MRC2: variants seen among roughly 807,000 people sequenced by gnomAD.
MRC2 encodes C-type mannose receptor 2.
In MRC2, 84 loss-of-function variants were observed where a neutral mutation model predicts 206.2. The observed-to-expected ratio is 0.41, with a 90% confidence interval of 0.34 to 0.49. The LOEUF is 0.49. MRC2 is among the 20% of genes least tolerant of loss of function. The probability of loss-of-function intolerance (pLI) is 0.31; values close to 1 mark genes in which losing one functional copy is unlikely to be tolerated. For synonymous variants in MRC2, 798 were observed against 800.0 expected (o/e 1.00, Z 0.04); for missense variants, 1,676 against 2,001.5 (o/e 0.84, Z 3.10).
At chr17:62,644,610 G>A (rs752438321) in intron 1 of MRC2, among the ~76,000 whole-genome samples, 1 of 152,154 alleles carries the variant, frequency 6.6e-6, no homozygotes, top group Non-Finnish European at 1.5e-5. Flanking sequence ...TTTTGCTTGT[G>A]ATCAGTCAGT....
chr17:62,682,567 C>T (rs2088982014), intron 20 of MRC2, among the ~76,000 whole-genome samples, 190 bp downstream of exon 20: 1 of 152,198 alleles, frequency 6.6e-6, no homozygotes, highest in Non-Finnish European at 1.5e-5. Flanking sequence ...ACTGTAGTAG[C>T]ACCTTCCAAT....
rs374671479 is a variant in MRC2 at position 62,666,661 on chromosome 17, C to T, written c.859+42C>T. 28 of 1,336,452 alleles carry T rather than the reference C, an allele frequency of 2.1e-5. No individual in the cohort carries two copies. In the African/African-American group the frequency reaches 2.9e-4, roughly 14 times the overall value. 82.8% of individuals were successfully genotyped at this position (1,336,452 alleles called of 1,614,324 possible). On this transcript the variant is annotated intron_variant, in intron 4 of 29. Transcript: ENST00000303375. This position sits in a 1 kb window ranked among gnomAD's most constrained non-coding sequence, Gnocchi z 5.0. ...TGCCTGCTCGTGCCTCTGGAGGGCC[C>T]GGGCCCTTTCCGCTTGTGGGTTGGG...
intron 1 of MRC2, among the ~76,000 whole-genome samples, chr17:62,635,124 C>A (rs886275935): frequency 6.6e-6 from 1 of 151,824 alleles, no homozygotes; most frequent in South Asian, 2.1e-4. Flanking sequence ...CACCACCATG[C>A]CCAGCCCCAT....
intron 1 of MRC2, among the ~76,000 whole-genome samples, chr17:62,649,910 T>A (rs1402608734): frequency 2.6e-5 from 4 of 151,828 alleles, no homozygotes; most frequent in East Asian, 3.9e-4. Flanking sequence ...TTTTTTAAAA[T>A]TTTTTTGAGA....
Position 62,652,699 on chromosome 17 carries a change from G to A in MRC2, c.119-11849G>A, listed in dbSNP as rs1269537853. ...CGGGAAGTGCCACAGATTGAGGGGC[G>A]CACGGCGGTGGAGGGAGGGGCGCCC... On this transcript the variant is annotated intron_variant, in intron 1 of 29. Transcript: ENST00000303375. The surrounding 1 kb of genome is among the most constrained non-coding windows in gnomAD (Gnocchi z 4.6). 6.6e-6 allele frequency among the ~76,000 whole-genome samples: 1 copy of A among 151,628 alleles called. No homozygotes were observed. The highest frequency in any genetic ancestry group is 2.1e-4 in the South Asian group (1 of 4,786).
At chr17:62,691,606 C>T (rs1227192978) in intron 28 of MRC2, among the ~76,000 whole-genome samples, 1 of 151,822 alleles carries the variant, frequency 6.6e-6, no homozygotes, top group Non-Finnish European at 1.5e-5. Context: ...CCCGTCTCTA[C>T]CAAAAAGTAC....
At chr17:62,683,634 C>T (rs2088998406) in intron 20 of MRC2, among the ~76,000 whole-genome samples, 1 of 148,024 alleles carries the variant, frequency 6.8e-6, no homozygotes, top group South Asian at 2.1e-4. Flanking sequence ...GAGGCTGAGG[C>T]AGGAGGATGA....
chr17:62,658,009 T>C (rs1238065692), intron 1 of MRC2, among the ~76,000 whole-genome samples: 2 of 152,124 alleles, frequency 1.3e-5, no homozygotes, highest in Non-Finnish European at 2.9e-5. Context: ...GCCTCTCCTC[T>C]GCTTTTTGAT....
chr17:62,665,840 A>G (rs1342964116), intron 2 of MRC2, among the ~76,000 whole-genome samples: 2 of 152,120 alleles, frequency 1.3e-5, no homozygotes, highest in East Asian at 3.9e-4. Context: ...TGGAGTTTGG[A>G]TGGGATTAGG....
At chr17:62,691,237 G>T (rs1016866292) in intron 28 of MRC2, 109 bp downstream of exon 28, 52 of 1,317,776 alleles carry the variant, frequency 3.9e-5, no homozygotes, top group Middle Eastern at 2.5e-4. Context: ...CGATGGGAAG[G>T]CCTGAACAGA....
chr17:62,690,294 G>A lies in MRC2; in HGVS notation c.3881G>A (p.Arg1294His), dbSNP rs756361138. 7.4e-6 allele frequency: 12 copies of A among 1,610,782 alleles called. No individual in the cohort carries two copies. The highest frequency in any genetic ancestry group is 5.3e-5 in the African/African-American group (4 of 74,886). The change falls in exon 26 of 30, where the codon CGC (arginine) becomes CAC (histidine). Residue 1294 changes from arginine (R) to histidine (H), a missense_variant. Physicochemically the swap from Arg to His is conservative, Grantham distance 29. Coordinates refer to ENST00000303375, the MANE Select transcript of MRC2 (RefSeq NM_006039.5). ...LLLGHKEARQ[R>H]CQRAGGAVLS... ...CTGGGCCACAAGGAGGCGCGACAGC[G>A]CTGCCAGAGAGGTGGGTGACCAGGC... is the stretch of plus-strand genomic sequence containing the variant.
chr17:62,632,881 C>T (rs1057381917), intron 1 of MRC2, among the ~76,000 whole-genome samples: 25 of 152,286 alleles, frequency 1.6e-4, no homozygotes, highest in African/African-American at 4.1e-4. Context: ...TGAAGGCAGC[C>T]GGGTGCGAGG....
chr17:62,628,036 C>CGTGTGTGTGT, intron 1 of MRC2, 116 bp downstream of exon 1: 1 of 641,354 alleles, frequency 1.6e-6, no homozygotes, highest in South Asian at 3.4e-5. Context: ...AGCGTGTGTG[C>CGTGTGTGTGT]GTGTGTGTGT....
Position 62,692,572 on chromosome 17 carries a change from T to A in MRC2, c.*121T>A. 1.9e-6 allele frequency: 2 copies of A among 1,045,292 alleles called. No homozygotes were observed. The highest frequency in any genetic ancestry group is 2.7e-6 in the Non-Finnish European group (2 of 727,606). 64.8% of individuals were successfully genotyped at this position (1,045,292 alleles called of 1,614,324 possible). On this transcript the variant is annotated 3_prime_UTR_variant, in exon 30 of 30. Coordinates refer to ENST00000303375, the MANE Select transcript of MRC2 (RefSeq NM_006039.5). The surrounding 1 kb of genome is among the most constrained non-coding windows in gnomAD (Gnocchi z 4.2). ...ATGGAAGGGTGCCCTTGGGAGTCGC[T>A]GTTGGGAGCCGGAGCTGGGCAGAGC...
chr17:62,668,960 G>A (rs1343282122), intron 6 of MRC2, among the ~76,000 whole-genome samples: 1 of 152,114 alleles, frequency 6.6e-6, no homozygotes, highest in African/African-American at 2.4e-5. Context: ...TGGAGATCTG[G>A]CCTGGCACGA....
At position 62,689,535 on chromosome 17, in the gene MRC2, C is replaced by T. The variant is rs922580960; in HGVS notation, c.3348C>T (p.Ser1116=). The T allele has an allele frequency of 1.9e-6, 3 of 1,578,244 alleles. No homozygotes were observed. The African/African-American group carries it at 4.0e-5, about 21-fold the overall frequency. ...CCTTCCCTGTAGACCCCTCCCTGAG[C>T]CCGTCCCCAGCAGCGCTGCCCCCCG... ...ICQKGTDPSL[S]PSPAALPPAP... is the part of the protein sequence containing the mutation. The change falls in exon 24 of 30, where the codon AGC becomes AGT. Residue 1116 remains serine (S), a synonymous_variant. Transcript: ENST00000303375.
intron 24 of MRC2, 21 bp from the exon 25 acceptor site, chr17:62,689,873 C>T: frequency 6.4e-7 from 1 of 1,574,294 alleles, no homozygotes; most frequent in South Asian, 1.2e-5. Flanking sequence ...TTCCTCCCAC[C>T]CCATGGCCCC....
chr17:62,690,151 C>A lies in MRC2; in HGVS notation c.3743-5C>A. ...GAGCCACTTCTTAATCCTGTACCCC[C>A]ACAGGGCCCCCTCCTCCCCGAAGAA... On this transcript the variant is annotated splice_polypyrimidine_tract_variant and splice_region_variant and intron_variant, in intron 25 of 29. Transcript: ENST00000303375. 1 of 1,599,974 alleles carries A rather than the reference C, an allele frequency of 6.3e-7. No individual in the cohort carries two copies. The highest frequency in any genetic ancestry group is 1.1e-5 in the South Asian group (1 of 89,610).
intron 21 of MRC2, 42 bp from the exon 22 acceptor site, chr17:62,688,459 G>A: frequency 6.2e-7 from 1 of 1,614,128 alleles, no homozygotes; most frequent in Non-Finnish European, 8.5e-7. Flanking sequence ...CCCCCAAATA[G>A]CTATAGCAGA....
Sources: gnomAD v4.1 joint callset for allele counts (sites outside exome capture counted in the v4.1 genomes callset) on GRCh38, gnomAD v4.1.1 for gene constraint, Gnocchi (gnomAD v3.1) non-coding constraint, MANE v1.5 for transcripts, NCBI Gene and HGNC (gene_info 2026-07-23, HGNC 2026-07-21) for gene names.